The following ELF4 variants were observed in gnomAD, a reference collection of about 807,000 sequenced individuals.
ELF4 encodes E74 like ETS transcription factor 4.
Under a neutral mutation model 31.7 loss-of-function variants are expected in ELF4, and 10 were observed. That is an observed-to-expected ratio of 0.32 (90% CI 0.19 to 0.54). ELF4 has a LOEUF of 0.54. Ranked by LOEUF, ELF4 falls within the 20% of genes least tolerant of loss-of-function variation. The pLI is 0.95. For missense variants in ELF4, 418 were observed against 522.0 expected (o/e 0.80, Z 1.94); for synonymous variants, 208 against 226.7 (o/e 0.92, Z 0.74).
chrX:130,101,801 A>AAAAACAAAAC (rs3080372), intron 1 of ELF4, among the ~76,000 whole-genome samples: 11,355 of 97,286 alleles, frequency 0.12, 1,425 homozygotes, highest in African/African-American at 0.34. Context: ...CTCCGTCTCA[A>AAAAACAAAAC]AAAACAAAAC....
rs1490158933 is a variant in ELF4, at chrX:130,066,578, A to C, written c.*143T>G. 4 of 631,091 alleles carry C rather than the reference A, an allele frequency of 6.3e-6. No individual in the cohort carries two copies. The African/African-American group carries it at 6.6e-5, about 10-fold the overall frequency. The allele number at this position is 631,091 out of a possible 1,213,427, so 52.0% of individuals were successfully genotyped here. On this transcript the variant is annotated 3_prime_UTR_variant, in exon 9 of 9. Coordinates refer to ENST00000308167, the MANE Select transcript of ELF4 (RefSeq NM_001421.4). Reference sequence around the variant, plus strand: ...AGCTGGGCACTGTTTGGCCACAGTGACACCAGGCAGGGCCGGGGGACTTGG... The same window carrying C: ...AGCTGGGCACTGTTTGGCCACAGTGCCACCAGGCAGGGCCGGGGGACTTGG...
chrX:130,083,844 A>ATGGC (rs1932922868), intron 1 of ELF4, among the ~76,000 whole-genome samples: 1 of 102,882 alleles, frequency 9.7e-6, no homozygotes, highest in Admixed American at 1.0e-4. Context: ...GGATGGATGG[A>ATGGC]TGGATGGATG....
chrX:130,079,213 T>C (rs1457406406), intron 2 of ELF4, among the ~76,000 whole-genome samples: 1 of 110,713 alleles, frequency 9.0e-6, no homozygotes, highest in Non-Finnish European at 1.9e-5. Context: ...ATCCCAGCAC[T>C]TTGGGAGGGC....
At chrX:130,094,697 C>G (rs1933121179) in intron 1 of ELF4, among the ~76,000 whole-genome samples, 1 of 111,366 alleles carries the variant, frequency 9.0e-6, no homozygotes, top group African/African-American at 3.3e-5. Context: ...AGGGGAGTAC[C>G]TGCTTGTCCA....
chrX:130,108,037 C>T (rs1433969969), intron 1 of ELF4, among the ~76,000 whole-genome samples: 4 of 111,715 alleles, frequency 3.6e-5, no homozygotes, highest in African/African-American at 9.8e-5. Context: ...GGAGAAACCC[C>T]GTCTCTACCA....
At chrX:130,096,477 CCCTG>C (rs2124630665) in intron 1 of ELF4, among the ~76,000 whole-genome samples, 1 of 111,107 alleles carries the variant, frequency 9.0e-6, no homozygotes, top group South Asian at 3.8e-4. Flanking sequence ...AGCCACCATG[CCCTG>C]CCTGGGGGTG....
chrX:130,091,343 G>A (rs774581957), intron 1 of ELF4, among the ~76,000 whole-genome samples: 27 of 13,476 alleles, frequency 2.0e-3, no homozygotes, highest in African/African-American at 6.3e-3. Flanking sequence ...CAGGAGAATC[G>A]CTTGAACCCG....
chrX:130,081,288 C>T lies in ELF4; in HGVS notation c.43G>A (p.Ala15Thr), dbSNP rs775432603. ...ATATCATCATCCATCCCGTTGCTTG[C>T]GAACTCAAAGATCAGGTCACTGGGC... ...LQPSDLIFEF[A>T]SNGMDDDIHQ... Residue 15 changes from alanine to threonine, a missense_variant, in exon 2 of 9, where the codon GCA (alanine) becomes ACA (threonine). Physicochemically the swap from Ala to Thr is moderately conservative, Grantham distance 58. This residue lies in a region of ELF4 where 35 missense variants were observed against 76.4 expected (regional missense o/e 0.46). Coordinates refer to ENST00000308167, the MANE Select transcript of ELF4 (RefSeq NM_001421.4). The T allele has an allele frequency of 3.3e-6, 4 of 1,212,050 alleles. No individual in the cohort carries two copies. The highest frequency in any genetic ancestry group is 2.2e-5 in the Admixed American group (1 of 46,075).
chrX:130,108,332 A>C (rs939260263), intron 1 of ELF4, among the ~76,000 whole-genome samples: 3 of 111,899 alleles, frequency 2.7e-5, no homozygotes, highest in African/African-American at 6.5e-5. Flanking sequence ...CAAAAAAAAA[A>C]CAACACTCTA....
intron 5 of ELF4, 69 bp from the exon 6 acceptor site, chrX:130,071,488 C>T: frequency 9.2e-7 from 1 of 1,082,969 alleles, no homozygotes; most frequent in South Asian, 1.9e-5. Context: ...GCCAAGTTGG[C>T]TGTGACAAAG....
intron 8 of ELF4, among the ~76,000 whole-genome samples, chrX:130,067,744 C>T (rs1932719857): frequency 1.8e-5 from 2 of 111,942 alleles, no homozygotes; most frequent in Admixed American, 9.5e-5. Context: ...TGGGCTCAAG[C>T]GATCCTCCTG....
intron 1 of ELF4, among the ~76,000 whole-genome samples, chrX:130,100,319 C>G (rs1460904586): frequency 8.9e-6 from 1 of 111,821 alleles, no homozygotes; most frequent in African/African-American, 3.3e-5. Flanking sequence ...CACACATTGA[C>G]ATCGATGGCT....
chrX:130,064,988 G>A lies in ELF4; in HGVS notation c.*1733C>T, dbSNP rs879152240. Reference sequence around the variant, plus strand: ...CTTTAATGCCAACTGCTGGAAACACGCATAGTAAATACATTTGCACAACCA... The same window carrying A: ...CTTTAATGCCAACTGCTGGAAACACACATAGTAAATACATTTGCACAACCA... On this transcript the variant is annotated 3_prime_UTR_variant, in exon 9 of 9. Coordinates refer to ENST00000308167, the MANE Select transcript of ELF4 (RefSeq NM_001421.4). 1.8e-5 allele frequency: 3 copies of A among 168,593 alleles called. No individual in the cohort carries two copies. Among genetic ancestry groups the A allele is most frequent in the Non-Finnish European group, 3.4e-5 (3 of 87,690 alleles). The allele number at this position is 168,593 out of a possible 1,213,427, so 13.9% of individuals were successfully genotyped here.
At chrX:130,098,303 C>T (rs1046921278) in intron 1 of ELF4, among the ~76,000 whole-genome samples, 4 of 112,119 alleles carry the variant, frequency 3.6e-5, no homozygotes, top group Non-Finnish European at 7.5e-5. Flanking sequence ...AGGAATGAGA[C>T]GTGGTGCTGC....
intron 1 of ELF4, among the ~76,000 whole-genome samples, chrX:130,105,442 G>A (rs1933360772): frequency 9.0e-6 from 1 of 111,504 alleles, no homozygotes; most frequent in African/African-American, 3.3e-5. Context: ...GTTGAAATGT[G>A]CTGGGGAGGA....
intron 1 of ELF4, among the ~76,000 whole-genome samples, chrX:130,082,402 G>C (rs1399669838): frequency 8.9e-6 from 1 of 111,967 alleles, no homozygotes; most frequent in Non-Finnish European, 1.9e-5. Context: ...TCTTGGTTTA[G>C]CTTTGCTTTC....
chrX:130,105,854 CTGTGTGTGTGTGTGTGTG>C (rs60216838), intron 1 of ELF4, among the ~76,000 whole-genome samples: 16 of 86,486 alleles, frequency 1.9e-4, no homozygotes, highest in East Asian at 7.8e-4. Flanking sequence ...CCCCAGGGGC[CTGTGTGTGTGTGTGTGTG>C]TGTGTGTGTG....
At chrX:130,078,762 TACACACACACAC>T (rs530565075) in intron 2 of ELF4, among the ~76,000 whole-genome samples, 51 of 84,874 alleles carry the variant, frequency 6.0e-4, no homozygotes, top group Middle Eastern at 6.0e-3. Context: ...TCTCTCTCTC[TACACACACACAC>T]ACACACACAC....
chrX:130,095,039 G>A (rs1317275189), intron 1 of ELF4, among the ~76,000 whole-genome samples: 1 of 111,741 alleles, frequency 8.9e-6, no homozygotes, highest in African/African-American at 3.3e-5. Flanking sequence ...GTGGGGCGTG[G>A]GTGCTTGTGT....
Sources: allele counts gnomAD v4.1 joint callset (sites outside exome capture counted in the v4.1 genomes callset), GRCh38; gene constraint gnomAD v4.1.1; regional missense constraint gnomAD v4.1.1; transcripts MANE v1.5; gene names NCBI Gene and HGNC (gene_info 2026-07-23, HGNC 2026-07-21).